The following SLC25A26 variants were observed in gnomAD, a reference collection of about 807,000 sequenced individuals.
SLC25A26 encodes the protein solute carrier family 25 member 26.
In SLC25A26, 36 loss-of-function variants were observed where a neutral mutation model predicts 37.8. That is an observed-to-expected ratio of 0.95 (90% CI 0.73 to 1.26). The LOEUF (loss-of-function observed/expected upper bound fraction) is 1.26. Ranked by LOEUF, SLC25A26 falls within the 50% of genes most tolerant of loss-of-function variation. The pLI, the probability that SLC25A26 is intolerant of heterozygous loss-of-function variation, is 0.00. For missense variants in SLC25A26, 390 were observed against 331.1 expected (o/e 1.18, Z -1.38); for synonymous variants, 129 against 122.5 (o/e 1.05, Z -0.35).
chr3:66,377,612 C>A, intron 9 of SLC25A26, 78 bp from the exon 10 acceptor site: 1 of 1,146,268 alleles, frequency 8.7e-7, no homozygotes, highest in Non-Finnish European at 1.3e-6. Context: ...GTGTATTGAG[C>A]TGAGCAAGCT....
chr3:66,203,855 C>A (rs2071139374), intron 1 of SLC25A26, among the ~76,000 whole-genome samples: 1 of 152,156 alleles, frequency 6.6e-6, no homozygotes, highest in South Asian at 2.1e-4. Flanking sequence ...ACTTTGAGTT[C>A]ATCTGCTTAT....
chr3:66,276,333 A>G (rs970626323), intron 5 of SLC25A26, among the ~76,000 whole-genome samples: 2 of 152,026 alleles, frequency 1.3e-5, no homozygotes, highest in African/African-American at 2.4e-5. Flanking sequence ...TGTGATTCTT[A>G]TTACACTTTG....
intron 5 of SLC25A26, among the ~76,000 whole-genome samples, chr3:66,303,311 G>T (rs114552375): frequency 6.6e-6 from 1 of 152,100 alleles, no homozygotes; most frequent in Admixed American, 6.6e-5. Flanking sequence ...TCTTTAAGGC[G>T]CAGCCACCTT....
At chr3:66,306,932 G>C (rs2075242398) in intron 5 of SLC25A26, among the ~76,000 whole-genome samples, 1 of 152,164 alleles carries the variant, frequency 6.6e-6, no homozygotes, top group Non-Finnish European at 1.5e-5. Context: ...TTGGTTCCAA[G>C]TCTTTGGTAT....
intron 5 of SLC25A26, among the ~76,000 whole-genome samples, chr3:66,273,145 A>T (rs1187199914): frequency 6.6e-6 from 1 of 152,152 alleles, no homozygotes; most frequent in Non-Finnish European, 1.5e-5. Flanking sequence ...GATGAAGCCC[A>T]CTTGATCATG....
chr3:66,264,138 G>C (rs1030775379), intron 5 of SLC25A26, among the ~76,000 whole-genome samples: 4 of 152,064 alleles, frequency 2.6e-5, no homozygotes, highest in Non-Finnish European at 5.9e-5. Flanking sequence ...TTAGCCAAGT[G>C]GTGGGCACCT....
chr3:66,377,964 G>A lies in SLC25A26; in HGVS notation c.*157G>A. ...ATTGTGCCATCCGTGGTATAGGCTG[G>A]CTGGTATGAAGTCATTGGCCTGTAT... On this transcript the variant is annotated 3_prime_UTR_variant, in exon 10 of 10. Coordinates refer to ENST00000354883, the MANE Select transcript of SLC25A26 (RefSeq NM_001379210.1). 1.6e-6 allele frequency: 1 copy of A among 617,646 alleles called. No homozygotes were observed. Among genetic ancestry groups the A allele is most frequent in the East Asian group, 2.7e-5 (1 of 36,920 alleles). The allele number at this position is 617,646 out of a possible 1,614,324, so 38.3% of individuals were successfully genotyped here.
chr3:66,230,732 GAGGTGA>G (rs1044085728), intron 1 of SLC25A26, among the ~76,000 whole-genome samples: 2 of 148,984 alleles, frequency 1.3e-5, no homozygotes, highest in Admixed American at 6.8e-5. Context: ...TTGAACCTGG[GAGGTGA>G]AGGTTGCAGT....
At chr3:66,336,265 A>G (rs2076090943) in intron 5 of SLC25A26, among the ~76,000 whole-genome samples, 1 of 152,198 alleles carries the variant, frequency 6.6e-6, no homozygotes, top group Non-Finnish European at 1.5e-5. Context: ...AATAAGTAAA[A>G]TAAAATCTAC....
At position 66,370,589 on chromosome 3, in the gene SLC25A26, C is replaced by A. The variant is rs1471435429; in HGVS notation, c.694C>A (p.Gln232Lys). 12 of 1,613,546 alleles carry A rather than the reference C, an allele frequency of 7.4e-6. No homozygotes were observed. The highest frequency in any genetic ancestry group is 9.3e-6 in the Non-Finnish European group (11 of 1,179,730). Residue 232 changes from glutamine to lysine, a missense_variant, in exon 9 of 10, where the codon CAG (glutamine) becomes AAG (lysine). By Grantham distance (53) the Gln-to-Lys change is moderately conservative (BLOSUM62 1). Transcript: ENST00000354883. ...TGTCCTGCATGGGGTCTGGCGGTCA[C>A]AGGGGCTGGCAGGGTAAGACGAGGA... Reference protein sequence around the residue: ...LSVLHGVWRSQGLAGLFAGVF... With the variant: ...LSVLHGVWRSKGLAGLFAGVF...
At chr3:66,143,746 T>G (rs1203846688) in intron 1 of SLC25A26, among the ~76,000 whole-genome samples, 1 of 151,988 alleles carries the variant, frequency 6.6e-6, no homozygotes, top group Middle Eastern at 3.2e-3. Flanking sequence ...TAGCTGGGGG[T>G]GGTGGTACAC....
At chr3:66,374,738 G>A (rs1024861105) in intron 9 of SLC25A26, among the ~76,000 whole-genome samples, 1 of 152,128 alleles carries the variant, frequency 6.6e-6, no homozygotes, top group Non-Finnish European at 1.5e-5. Flanking sequence ...AAAATTAGCT[G>A]GCCATGTTGG....
At chr3:66,283,373 C>G (rs371270063) in intron 5 of SLC25A26, among the ~76,000 whole-genome samples, 1 of 152,102 alleles carries the variant, frequency 6.6e-6, no homozygotes, top group Non-Finnish European at 1.5e-5. Flanking sequence ...ACCTGTTTCC[C>G]GGGCTCAAGT....
intron 3 of SLC25A26, among the ~76,000 whole-genome samples, chr3:66,257,903 T>C (rs993738254): frequency 2.0e-5 from 3 of 152,190 alleles, no homozygotes; most frequent in Non-Finnish European, 4.4e-5. Context: ...CCTTCATATG[T>C]GCGCTGCTCG....
At chr3:66,291,626 C>T (rs1176562599) in intron 5 of SLC25A26, among the ~76,000 whole-genome samples, 1 of 152,156 alleles carries the variant, frequency 6.6e-6, no homozygotes, top group Non-Finnish European at 1.5e-5. Context: ...GAATGAGTTT[C>T]TTAATCCTGA....
chr3:66,350,043 T>G (rs550023885), intron 6 of SLC25A26, among the ~76,000 whole-genome samples: 19 of 152,330 alleles, frequency 1.2e-4, no homozygotes, highest in African/African-American at 4.6e-4. Context: ...AGTAGACAGT[T>G]TTTGGAACTT....
chr3:66,305,924 G>T (rs771867697), intron 5 of SLC25A26, among the ~76,000 whole-genome samples: 5 of 152,128 alleles, frequency 3.3e-5, no homozygotes, highest in African/African-American at 1.2e-4. Flanking sequence ...CACCAATAGC[G>T]TAAAAGCATT....
intron 1 of SLC25A26, among the ~76,000 whole-genome samples, chr3:66,226,365 G>C (rs1553660594): frequency 1.3e-5 from 2 of 152,182 alleles, no homozygotes; most frequent in African/African-American, 4.8e-5. Context: ...CTGCCACCAT[G>C]ATTCAATTAC....
chr3:66,302,104 T>C (rs1348811702), intron 5 of SLC25A26, among the ~76,000 whole-genome samples: 1 of 152,238 alleles, frequency 6.6e-6, no homozygotes, highest in Non-Finnish European at 1.5e-5. Flanking sequence ...ATCCAAGGCC[T>C]ATCACTTAGC....
Sources: gnomAD v4.1 joint callset for allele counts (sites outside exome capture counted in the v4.1 genomes callset) on GRCh38, gnomAD v4.1.1 for gene constraint, MANE v1.5 for transcripts, NCBI Gene and HGNC (gene_info 2026-07-23, HGNC 2026-07-21) for gene names.